Variants in GALNTL5 observed in about 807,000 individuals in gnomAD.
The protein encoded by GALNTL5 is polypeptide N-acetylgalactosaminyltransferase like 5.
A neutral mutation model predicts 51.0 loss-of-function variants in GALNTL5; 44 were observed. The observed-to-expected ratio is 0.86, with a 90% confidence interval of 0.68 to 1.11. The LOEUF (loss-of-function observed/expected upper bound fraction) is 1.11, where lower values mean the gene tolerates loss of function less well. GALNTL5 is among the 50% of genes least tolerant of loss of function. The pLI, the probability that GALNTL5 is intolerant of heterozygous loss-of-function variation, is 0.00. For synonymous variants in GALNTL5, 192 were observed against 182.8 expected, an observed-to-expected ratio of 1.05 and a Z score of -0.41; for missense variants, 528 against 531.8, an observed-to-expected ratio of 0.99 and a Z score of 0.07.
Position 152,000,480 on chromosome 7 carries a change from C to T in GALNTL5, c.659-2234C>T, listed in dbSNP as rs1586843102. On this transcript the variant is annotated intron_variant, in intron 5 of 8. Coordinates refer to ENST00000392800, the MANE Select transcript of GALNTL5 (RefSeq NM_145292.4). ...CTCAGCCCAGAGAGTGCCCTTCAGG[C>T]AAGAGAGAACTTTCCTGTTCTCTGT... Among the ~76,000 whole-genome samples the T allele has an allele frequency of 2.0e-5, 3 of 152,302 alleles. No individual in the cohort carries two copies. The South Asian group carries it at 6.2e-4, about 32-fold the overall frequency.
At chr7:151,960,028 A>C (rs6966271) in intron 1 of GALNTL5, 34,026 of 151,952 alleles carry the variant, frequency 0.22, 4,353 homozygotes, top group Admixed American at 0.32. Context: ...TCTGCTGCCC[A>C]GATAATCAGG....
chr7:151,993,625 C>CT (rs1201941322), intron 5 of GALNTL5, among the ~76,000 whole-genome samples: 1 of 152,008 alleles, frequency 6.6e-6, no homozygotes, highest in Non-Finnish European at 1.5e-5. Flanking sequence ...GTATTTTATA[C>CT]TTTTTTTCTT....
At chr7:151,973,290 A>C (rs182497863) in intron 3 of GALNTL5, among the ~76,000 whole-genome samples, 5 of 149,568 alleles carry the variant, frequency 3.3e-5, no homozygotes, top group African/African-American at 1.2e-4. Flanking sequence ...CCCCATCTCT[A>C]CTAAAAATAC....
At position 151,983,000 on chromosome 7, in the gene GALNTL5, A is replaced by G. The variant is rs769508887; in HGVS notation, c.383A>G (p.His128Arg). 5.0e-6 allele frequency: 8 copies of G among 1,614,048 alleles called. No individual in the cohort carries two copies. The Admixed American group carries it at 1.2e-4, about 24-fold the overall frequency. ...TCTGCCTGCAGGTGTCTTCAAAAAC[A>G]TTACCCAGCCCGCCTCCCGACTGCC... ...DTRSKMCLQK[H>R]YPARLPTASI... is the part of the protein sequence containing the mutation. Residue 128 changes from histidine to arginine, a missense_variant, in exon 4 of 9, where the codon CAT (histidine) becomes CGT (arginine). By Grantham distance (29) the His-to-Arg change is conservative. Coordinates refer to ENST00000392800, the MANE Select transcript of GALNTL5 (RefSeq NM_145292.4).
chr7:152,009,704 C>G (rs1023927087), intron 7 of GALNTL5, among the ~76,000 whole-genome samples: 1 of 152,210 alleles, frequency 6.6e-6, no homozygotes, highest in African/African-American at 2.4e-5. Flanking sequence ...CTTCCACCTG[C>G]AGCCCAACCA....
chr7:152,001,067 G>T (rs1208116314), intron 5 of GALNTL5, among the ~76,000 whole-genome samples: 1 of 104,540 alleles, frequency 9.6e-6, no homozygotes, highest in Non-Finnish European at 2.7e-5. Context: ...CACCACACCT[G>T]GCTAATTTTT....
rs142054418 is a variant in GALNTL5 at position 152,002,936 on chromosome 7, G to T, written c.881G>T (p.Gly294Val). The change falls in exon 6 of 9, where the codon GGA becomes GTA. Residue 294 changes from glycine to valine, a missense_variant. Coordinates refer to ENST00000392800, the MANE Select transcript of GALNTL5 (RefSeq NM_145292.4). ...WDNVFSYEMD[G>V]PEGSTKPIRS... ...AATGTTTTCTCTTATGAGATGGATG[G>T]ACCAGAAGGATCTACTAAACCAATC... 19 of 1,613,930 alleles carry T rather than the reference G, an allele frequency of 1.2e-5. No individual in the cohort carries two copies. The African/African-American group carries it at 1.6e-4, about 14-fold the overall frequency.
intron 6 of GALNTL5, among the ~76,000 whole-genome samples, chr7:152,006,163 G>C (rs1410132801): frequency 1.3e-5 from 2 of 152,218 alleles, no homozygotes; most frequent in African/African-American, 4.8e-5. Flanking sequence ...TCCAAGAGAA[G>C]GGTGTGGCCA....
chr7:152,005,536 C>T (rs1017517969), intron 6 of GALNTL5, among the ~76,000 whole-genome samples: 1 of 152,074 alleles, frequency 6.6e-6, no homozygotes, highest in South Asian at 2.1e-4. Flanking sequence ...TTTGAGATGT[C>T]TATTTGGCAT....
intron 5 of GALNTL5, among the ~76,000 whole-genome samples, chr7:151,998,198 G>A (rs1258662482): frequency 1.3e-5 from 2 of 152,150 alleles, no homozygotes; most frequent in Non-Finnish European, 2.9e-5. Context: ...AACAGAGTGA[G>A]ACTGTCTCTG....
intron 7 of GALNTL5, among the ~76,000 whole-genome samples, chr7:152,011,843 A>C (rs1254317503): frequency 1.3e-5 from 2 of 152,194 alleles, no homozygotes; most frequent in Non-Finnish European, 2.9e-5. Context: ...GGATTCAGGC[A>C]GTTATTGTCA....
intron 5 of GALNTL5, among the ~76,000 whole-genome samples, chr7:152,001,765 G>C (rs1399796889): frequency 6.6e-6 from 1 of 152,154 alleles, no homozygotes; most frequent in African/African-American, 2.4e-5. Context: ...AAAAGAGCCA[G>C]CTGGGATTGC....
At chr7:152,013,273 G>T (rs1396272545) in intron 7 of GALNTL5, among the ~76,000 whole-genome samples, 3 of 151,798 alleles carry the variant, frequency 2.0e-5, no homozygotes, top group African/African-American at 7.3e-5. Context: ...GAAATGACCT[G>T]TGCTCAAAAC....
At chr7:151,991,390 C>A (rs1052660570) in intron 5 of GALNTL5, among the ~76,000 whole-genome samples, 1 of 152,182 alleles carries the variant, frequency 6.6e-6, no homozygotes, top group African/African-American at 2.4e-5. Context: ...TGCGCACGGC[C>A]TGATACTCTT....
intron 1 of GALNTL5, among the ~76,000 whole-genome samples, chr7:151,963,543 G>A (rs1260491272): frequency 6.6e-6 from 1 of 152,252 alleles, no homozygotes; most frequent in South Asian, 2.1e-4. Context: ...GATTATAGAC[G>A]TGGGCAATCA....
intron 3 of GALNTL5, among the ~76,000 whole-genome samples, chr7:151,972,115 A>T (rs62479990): frequency 0.21 from 32,287 of 152,146 alleles, 3,604 homozygotes; most frequent in East Asian, 0.38. Context: ...GAGGTCTCAG[A>T]AGAAAAGAGG....
rs2081460617 is a variant in GALNTL5 at position 151,994,002 on chromosome 7, GT to G, written c.658+6723del. ...TGTGTGTGTATATATGTATAATTTT[GT>G]TCATATCTTTGATGATGGAATTCGA... On this transcript the variant is annotated intron_variant, in intron 5 of 8. Coordinates refer to ENST00000392800, the MANE Select transcript of GALNTL5 (RefSeq NM_145292.4). Among the ~76,000 whole-genome samples, 3 of 152,200 alleles carry G rather than the reference GT, an allele frequency of 2.0e-5. No individual in the cohort carries two copies. The South Asian group carries it at 6.2e-4, about 32-fold the overall frequency.
chr7:151,998,770 TA>T (rs1447916747), intron 5 of GALNTL5, among the ~76,000 whole-genome samples: 34 of 71,400 alleles, frequency 4.8e-4, no homozygotes, highest in Non-Finnish European at 5.1e-4. Context: ...AGACTCTATC[TA>T]AAAAAAAAAA....
intron 5 of GALNTL5, among the ~76,000 whole-genome samples, chr7:152,002,139 G>A (rs62480048): frequency 0.34 from 51,511 of 151,874 alleles, 9,155 homozygotes; most frequent in Non-Finnish European, 0.4. Context: ...AATTAGCCTG[G>A]CATGTTGGCA....
Sources: allele counts gnomAD v4.1 joint callset (sites outside exome capture counted in the v4.1 genomes callset), GRCh38; gene constraint gnomAD v4.1.1; transcripts MANE v1.5; gene names NCBI Gene and HGNC (gene_info 2026-07-23, HGNC 2026-07-21).